The following RAG1 variants were observed in gnomAD, a reference collection of about 807,000 sequenced individuals.
The protein encoded by RAG1 is recombination activating 1.
RAG1 carries 35 observed loss-of-function variants against 62.7 expected under a neutral mutation model. That is an observed-to-expected ratio of 0.56 (90% CI 0.43 to 0.74). RAG1 has a LOEUF of 0.74. RAG1 is among the 30% of genes least tolerant of loss of function. RAG1 has a pLI of 0.00. For synonymous variants in RAG1, 461 were observed against 470.3 expected (o/e 0.98, Z 0.26); for missense variants, 1,169 against 1,278.6 (o/e 0.91, Z 1.31).
Position 36,575,446 on chromosome 11 carries a change from TG to T in RAG1, c.2143del (p.Val715CysfsTer35), listed in dbSNP as rs773194976. 28 of 1,614,142 alleles carry T rather than the reference TG, an allele frequency of 1.7e-5. No individual in the cohort carries two copies. Among genetic ancestry groups the T allele is most frequent in the Non-Finnish European group, 2.4e-5 (28 of 1,180,018 alleles). ...GGGGCACCGGCTATGATGAAAAACT[TG>T]TGCGGGAAGTGGAAGGCCTCGAGGC... ...FRGTGYDEKL[V>X]REVEGLEASG... On this transcript the variant is annotated frameshift_variant, in exon 2 of 2. Transcript: ENST00000299440. LOFTEE classifies it high-confidence loss of function. The surrounding 1 kb of genome is among the most constrained non-coding windows in gnomAD (Gnocchi z 4.1).
At position 36,578,411 on chromosome 11, in the gene RAG1, A is replaced by T. The variant is rs1326126803; in HGVS notation, c.*1975A>T. 6.0e-6 allele frequency: 1 copy of T among 166,368 alleles called. No homozygotes were observed. Among genetic ancestry groups the T allele is most frequent in the African/African-American group, 2.4e-5 (1 of 41,458 alleles). The allele number at this position is 166,368 out of a possible 1,614,324, so 10.3% of individuals were successfully genotyped here. A position where few individuals can be genotyped will look rare whatever the true frequency, so the allele number is the denominator to read the frequency against. ...TTGGAAATGAGTGGGCCACTAAGCC[A>T]CACTTTCCCTTCATCCTGCTTAATC... is the stretch of plus-strand genomic sequence containing the variant. On this transcript the variant is annotated 3_prime_UTR_variant, in exon 2 of 2. Transcript: ENST00000299440.
chr11:36,540,651 C>T (rs1446993905), downstream of RAG1, among the ~76,000 whole-genome samples: 1 of 152,128 alleles, frequency 6.6e-6, no homozygotes, highest in Non-Finnish European at 1.5e-5. Context: ...CGTGATCTGC[C>T]CTCCTTGGTC....
chr11:36,570,362 TA>T (rs1285643281), intron 1 of RAG1, among the ~76,000 whole-genome samples: 3 of 152,188 alleles, frequency 2.0e-5, no homozygotes, highest in Admixed American at 6.5e-5. Flanking sequence ...ATTGAATAGA[TA>T]AAAAATATCT....
intron 3 of RAG1, among the ~76,000 whole-genome samples, chr11:36,551,227 T>G (rs2133274460): frequency 6.6e-6 from 1 of 152,248 alleles, no homozygotes; most frequent in East Asian, 1.9e-4. Context: ...AAAGTGGCAG[T>G]TTTTGGATTT....
At position 36,575,393 on chromosome 11, in the gene RAG1, A is replaced by G. The variant is rs1850828307; in HGVS notation, c.2089A>G (p.Ile697Val). Residue 697 changes from isoleucine (I) to valine (V), a missense_variant, in exon 2 of 2, where the codon ATT becomes GTT. Ile to Val is a conservative substitution (Grantham distance 29). Coordinates refer to ENST00000299440, the MANE Select transcript of RAG1 (RefSeq NM_000448.3). The surrounding 1 kb of genome is among the most constrained non-coding windows in gnomAD (Gnocchi z 4.1). ...SSELMLELGG[I>V]LRTFKFIFRG... The stretch of plus-strand genomic sequence containing the variant: ...TGAATTAATGCTTGAGCTGGGAGGC[A>G]TTCTCCGGACTTTCAAGTTCATCTT... 6.2e-7 allele frequency: 1 copy of G among 1,613,758 alleles called. No individual in the cohort carries two copies. The highest frequency in any genetic ancestry group is 1.3e-5 in the African/African-American group (1 of 74,904).
At chr11:36,517,964 A>G (rs1470179630) in intron 1 of RAG1, among the ~76,000 whole-genome samples, 2 of 148,260 alleles carry the variant, frequency 1.3e-5, no homozygotes, top group Non-Finnish European at 3.0e-5. Context: ...CATTAGGTAT[A>G]TCTCCTAATG....
chr11:36,525,811 A>G (rs570179734), intron 2 of RAG1, among the ~76,000 whole-genome samples: 11 of 152,262 alleles, frequency 7.2e-5, no homozygotes, highest in Admixed American at 2.0e-4. Context: ...TGTGAATTCT[A>G]TGAGATTGTC....
Position 36,575,524 on chromosome 11 carries a change from C to T in RAG1, c.2220C>T (p.Ala740=). Reference sequence around the variant, plus strand: ...TTTGTGATGCCACCCGTCTGGAAGCCTCTCAAAATCTTGTCTTCCACTCTA... The same window carrying T: ...TTTGTGATGCCACCCGTCTGGAAGCTTCTCAAAATCTTGTCTTCCACTCTA... ...CTLCDATRLE[A]SQNLVFHSIT... Residue 740 remains alanine (A), a synonymous_variant, in exon 2 of 2, where the codon GCC becomes GCT. Coordinates refer to ENST00000299440, the MANE Select transcript of RAG1 (RefSeq NM_000448.3). This position sits in a 1 kb window ranked among gnomAD's most constrained non-coding sequence, Gnocchi z 4.1. 6.2e-7 allele frequency: 1 copy of T among 1,614,220 alleles called. No homozygotes were observed. Among genetic ancestry groups the T allele is most frequent in the Non-Finnish European group, 8.5e-7 (1 of 1,180,040 alleles).
At chr11:36,567,089 A>G (rs1850671419), upstream of RAG1, among the ~76,000 whole-genome samples, 1 of 152,184 alleles carries the variant, frequency 6.6e-6, no homozygotes, top group Non-Finnish European at 1.5e-5. Flanking sequence ...TCCTTAGACT[A>G]TTACTACAAA....
chr11:36,525,371 CT>C (rs1369073234), intron 2 of RAG1, among the ~76,000 whole-genome samples: 1 of 152,082 alleles, frequency 6.6e-6, no homozygotes, highest in Non-Finnish European at 1.5e-5. Flanking sequence ...TCCCTAAGCT[CT>C]TTTAGTTCGT....
chr11:36,571,636 A>G (rs1850746658), intron 1 of RAG1, among the ~76,000 whole-genome samples: 1 of 152,126 alleles, frequency 6.6e-6, no homozygotes, highest in African/African-American at 2.4e-5. Flanking sequence ...TGTTTTTGAG[A>G]CAGAGTCCTG....
intron 2 of RAG1, among the ~76,000 whole-genome samples, chr11:36,521,608 T>A (rs1860081423): frequency 6.6e-6 from 1 of 152,082 alleles, no homozygotes; most frequent in African/African-American, 2.4e-5. Context: ...GCAGAGTGGG[T>A]GCTGCTGAAA....
At position 36,575,536 on chromosome 11, in the gene RAG1, T is replaced by C; in HGVS notation, c.2232T>C (p.Leu744=). 3 of 1,614,218 alleles carry C rather than the reference T, an allele frequency of 1.9e-6. No homozygotes were observed. The highest frequency in any genetic ancestry group is 2.5e-6 in the Non-Finnish European group (3 of 1,180,034). ...CCCGTCTGGAAGCCTCTCAAAATCT[T>C]GTCTTCCACTCTATAACCAGAAGCC... ...DATRLEASQN[L]VFHSITRSHA... Residue 744 remains leucine (L), a synonymous_variant, in exon 2 of 2, where the codon CTT becomes CTC. Transcript: ENST00000299440. This position sits in a 1 kb window ranked among gnomAD's most constrained non-coding sequence, Gnocchi z 4.1.
At chr11:36,532,096 A>C (rs1355069801) in intron 2 of RAG1, among the ~76,000 whole-genome samples, 1 of 151,888 alleles carries the variant, frequency 6.6e-6, no homozygotes, top group Non-Finnish European at 1.5e-5. Flanking sequence ...TATTGCATTT[A>C]TTACTGAGAT....
chr11:36,533,010 G>A (rs1590670973), intron 2 of RAG1, among the ~76,000 whole-genome samples: 1 of 152,232 alleles, frequency 6.6e-6, no homozygotes, highest in East Asian at 1.9e-4. Flanking sequence ...CAGTTTTCTG[G>A]GAGGTTGGAC....
rs940059469 is a variant in RAG1, at chr11:36,577,615, T to C, written c.*1179T>C. 6.0e-6 allele frequency: 1 copy of C among 167,028 alleles called. No individual in the cohort carries two copies. The highest frequency in any genetic ancestry group is 2.4e-5 in the African/African-American group (1 of 41,452). The allele number at this position is 167,028 out of a possible 1,614,324, so 10.3% of individuals were successfully genotyped here. On this transcript the variant is annotated 3_prime_UTR_variant, in exon 2 of 2. Coordinates refer to ENST00000299440, the MANE Select transcript of RAG1 (RefSeq NM_000448.3). ...CAGTGCTTTTTACCACTGTGGAATG[T>C]TTTCACACTCATTTTTCCTTACAAC...
chr11:36,562,617 G>A (rs977150663), intron 3 of RAG1, among the ~76,000 whole-genome samples: 1 of 152,138 alleles, frequency 6.6e-6, no homozygotes, highest in African/African-American at 2.4e-5. Flanking sequence ...GAAGCCCAAT[G>A]AGTATCTTCC....
At chr11:36,534,257 T>G (rs1022545788) in intron 2 of RAG1, among the ~76,000 whole-genome samples, 9 of 152,230 alleles carry the variant, frequency 5.9e-5, no homozygotes, top group Admixed American at 3.9e-4. Context: ...AATAATTTTG[T>G]ATGATACAGC....
chr11:36,547,749 G>A (rs962297712), intron 3 of RAG1, among the ~76,000 whole-genome samples: 1 of 152,150 alleles, frequency 6.6e-6, no homozygotes, highest in Non-Finnish European at 1.5e-5. Flanking sequence ...AATAGAAAAA[G>A]AGGGAATCCC....
Sources: gnomAD v4.1 joint callset for allele counts (sites outside exome capture counted in the v4.1 genomes callset) on GRCh38, gnomAD v4.1.1 for gene constraint, Gnocchi (gnomAD v3.1) non-coding constraint, MANE v1.5 for transcripts, NCBI Gene and HGNC (gene_info 2026-07-23, HGNC 2026-07-21) for gene names.